GALK2: variants seen among roughly 807,000 people sequenced by gnomAD.
GALK2 encodes the protein N-acetylgalactosamine kinase.
Under a neutral mutation model 52.4 loss-of-function variants are expected in GALK2, and 36 were observed. The ratio of observed to expected loss-of-function variants is 0.69; its 90% CI spans 0.53 to 0.91. The LOEUF (loss-of-function observed/expected upper bound fraction) is 0.91, where lower values mean the gene tolerates loss of function less well. Among genes scored for constraint, GALK2 ranks in the 40% least tolerant of loss-of-function variants. The pLI is 0.00. For missense variants in GALK2, 579 were observed against 559.1 expected, an observed-to-expected ratio of 1.04 and a Z score of -0.36; for synonymous variants, 176 against 199.1, an observed-to-expected ratio of 0.88 and a Z score of 0.98.
intron 5 of GALK2, among the ~76,000 whole-genome samples, chr15:49,261,505 A>G (rs1327392629): frequency 4.6e-5 from 7 of 152,180 alleles, no homozygotes; most frequent in Non-Finnish European, 1.0e-4. Flanking sequence ...CAATCATGTC[A>G]TCCGCAAACA....
chr15:49,194,036 T>G (rs2086991458), intron 1 of GALK2: 1 of 152,106 alleles, frequency 6.6e-6, no homozygotes, highest in Admixed American at 6.6e-5. Flanking sequence ...ATTAAAAATT[T>G]ACCTTTGTGG....
intron 8 of GALK2, among the ~76,000 whole-genome samples, chr15:49,307,505 G>T (rs1311971959): frequency 6.6e-6 from 1 of 152,194 alleles, no homozygotes; most frequent in Non-Finnish European, 1.5e-5. Flanking sequence ...GACATGGGAT[G>T]ATAAGAATCC....
chr15:49,263,869 C>A (rs1232108800), intron 5 of GALK2, among the ~76,000 whole-genome samples: 4 of 150,612 alleles, frequency 2.7e-5, no homozygotes, highest in African/African-American at 9.8e-5. Flanking sequence ...GTTGAAAATT[C>A]TTTTCTTTCA....
intron 5 of GALK2, among the ~76,000 whole-genome samples, chr15:49,257,277 G>C (rs2141598879): frequency 6.6e-6 from 1 of 152,276 alleles, no homozygotes; most frequent in African/African-American, 2.4e-5. Context: ...CATAGTAACA[G>C]TTCTAGTAAA....
chr15:49,313,430 C>T (rs947441822), intron 8 of GALK2, among the ~76,000 whole-genome samples: 2 of 152,178 alleles, frequency 1.3e-5, no homozygotes, highest in Non-Finnish European at 2.9e-5. Flanking sequence ...TGCCTGTTCC[C>T]ACCTTGGGCC....
chr15:49,212,279 G>A (rs1310721150), intron 2 of GALK2, among the ~76,000 whole-genome samples: 1 of 152,006 alleles, frequency 6.6e-6, no homozygotes, highest in East Asian at 1.9e-4. Flanking sequence ...TTTTAGTAGA[G>A]ATGGGGTTTC....
intron 1 of GALK2, chr15:49,156,182 A>G (rs1157601060): frequency 1.5e-6 from 1 of 665,770 alleles, no homozygotes; most frequent in Non-Finnish European, 2.6e-6. Context: ...GTATGCAGCT[A>G]TCAGTTGAGT....
At chr15:49,351,607 A>G (rs2042252646) in intron 3 of GALK2, among the ~76,000 whole-genome samples, 1 of 152,242 alleles carries the variant, frequency 6.6e-6, no homozygotes, top group Non-Finnish European at 1.5e-5. Context: ...GGTTTTCCGG[A>G]AAGCGGACCT....
intron 5 of GALK2, among the ~76,000 whole-genome samples, chr15:49,252,870 A>G (rs1305249672): frequency 6.9e-6 from 1 of 144,502 alleles, no homozygotes; most frequent in Non-Finnish European, 1.6e-5. Flanking sequence ...AGATGTTGTC[A>G]TGGCCATTTC....
At position 49,319,730 on chromosome 15, in the gene GALK2, A is replaced by T; in HGVS notation, c.1094A>T (p.Asn365Ile). Reference sequence around the variant, plus strand: ...GTCCAGCTGCTGGGAGAGTTGATGAACCAGAGCCACATGAGCTGCCGGGAC... The same window carrying T: ...GTCCAGCTGCTGGGAGAGTTGATGATCCAGAGCCACATGAGCTGCCGGGAC... ...NMVQLLGELM[N>I]QSHMSCRDMY... The change falls in exon 9 of 10, where the codon AAC becomes ATC. Residue 365 changes from asparagine to isoleucine, a missense_variant. Physicochemically the swap from Asn to Ile is moderately radical, Grantham distance 149. Coordinates refer to ENST00000560031, the MANE Select transcript of GALK2 (RefSeq NM_002044.4). 1 of 1,614,166 alleles carries T rather than the reference A, an allele frequency of 6.2e-7. No individual in the cohort carries two copies. The highest frequency in any genetic ancestry group is 1.1e-5 in the South Asian group (1 of 91,064).
chr15:49,297,726 A>T (rs1038611336), intron 8 of GALK2, among the ~76,000 whole-genome samples: 3 of 152,170 alleles, frequency 2.0e-5, no homozygotes, highest in African/African-American at 7.2e-5. Flanking sequence ...TTCGTCAAAG[A>T]TCAGATGGCT....
chr15:49,319,159 G>A (rs1042716157), intron 8 of GALK2: 1 of 357,930 alleles, frequency 2.8e-6, no homozygotes, highest in Non-Finnish European at 5.4e-6. Flanking sequence ...TCACCATGTT[G>A]GTCAGGCTGG....
At chr15:49,208,804 A>G (rs1261504062) in intron 2 of GALK2, among the ~76,000 whole-genome samples, 1 of 152,114 alleles carries the variant, frequency 6.6e-6, no homozygotes, top group Non-Finnish European at 1.5e-5. Flanking sequence ...TCTTAGGTCT[A>G]TTAGTAATTG....
intron 1 of GALK2, among the ~76,000 whole-genome samples, chr15:49,171,626 A>T (rs1360992666): frequency 6.6e-6 from 1 of 152,174 alleles, no homozygotes; most frequent in Non-Finnish European, 1.5e-5. Flanking sequence ...AATGTCTTTG[A>T]ATGTTTTAAT....
intron 1 of GALK2, among the ~76,000 whole-genome samples, chr15:49,186,229 A>G (rs2086327293): frequency 6.6e-6 from 1 of 152,164 alleles, no homozygotes; most frequent in Non-Finnish European, 1.5e-5. Context: ...ATGCTTTTTC[A>G]GGCCAATAAA....
intron 3 of GALK2, among the ~76,000 whole-genome samples, chr15:49,352,370 A>T (rs1189764231): frequency 6.6e-6 from 1 of 152,226 alleles, no homozygotes; most frequent in Non-Finnish European, 1.5e-5. Context: ...TAACAGGAGC[A>T]TGTGGGAAGG....
intron 1 of GALK2, among the ~76,000 whole-genome samples, chr15:49,190,638 G>C (rs2086662104): frequency 6.6e-6 from 1 of 152,178 alleles, no homozygotes; most frequent in South Asian, 2.1e-4. Flanking sequence ...CCTTGTGGAT[G>C]AACTGCAACC....
At chr15:49,170,948 G>A (rs1454375006) in intron 1 of GALK2, among the ~76,000 whole-genome samples, 1 of 152,104 alleles carries the variant, frequency 6.6e-6, no homozygotes, top group African/African-American at 2.4e-5. Context: ...ACTTCGTTCT[G>A]ACTAATGGGG....
intron 5 of GALK2, among the ~76,000 whole-genome samples, chr15:49,271,776 C>T (rs2030673719): frequency 6.6e-6 from 1 of 152,170 alleles, no homozygotes; most frequent in South Asian, 2.1e-4. Flanking sequence ...AAGCTATTAG[C>T]CCTATATTGA....
Sources: gnomAD v4.1 joint callset for allele counts (sites outside exome capture counted in the v4.1 genomes callset) on GRCh38, gnomAD v4.1.1 for gene constraint, MANE v1.5 for transcripts, NCBI Gene and HGNC (gene_info 2026-07-23, HGNC 2026-07-21) for gene names.